Variants in VXN observed in about 807,000 individuals in gnomAD.
VXN encodes the protein vexin, also known as uncharacterized protein C8orf46.
VXN carries 7 observed loss-of-function variants against 23.1 expected under a neutral mutation model. That is an observed-to-expected ratio of 0.30 (90% confidence interval 0.17 to 0.57). VXN has a LOEUF of 0.57. Among genes scored for constraint, VXN ranks in the 20% least tolerant of loss-of-function variants. The pLI is 0.91. For synonymous variants in VXN, 120 were observed against 105.8 expected (o/e 1.13, Z -0.83); for missense variants, 238 against 272.6 (o/e 0.87, Z 0.89).
At chr8:66,502,323 T>G (rs1231690705) in intron 2 of VXN, among the ~76,000 whole-genome samples, 2 of 152,190 alleles carry the variant, frequency 1.3e-5, no homozygotes, top group African/African-American at 4.8e-5. Context: ...CAATGAAGAT[T>G]CGTGGCCCCT....
At chr8:66,504,375 C>T (rs948076569) in intron 2 of VXN, among the ~76,000 whole-genome samples, 1 of 152,022 alleles carries the variant, frequency 6.6e-6, no homozygotes, top group South Asian at 2.1e-4. Flanking sequence ...AAATCAGGAA[C>T]AGCTGTGATG....
chr8:66,498,159 C>T (rs997291486), intron 2 of VXN, among the ~76,000 whole-genome samples: 2 of 146,052 alleles, frequency 1.4e-5, no homozygotes, highest in African/African-American at 5.1e-5. Context: ...CAGAACAAGA[C>T]TCCGTCTCAA....
chr8:66,505,534 T>C lies in VXN; in HGVS notation c.280+6T>C. The C allele has an allele frequency of 1.3e-6, 2 of 1,491,018 alleles. No homozygotes were observed. Among genetic ancestry groups the C allele is most frequent in the Non-Finnish European group, 1.8e-6 (2 of 1,124,422 alleles). The allele number at this position is 1,491,018 out of a possible 1,614,324, so 92.4% of individuals were successfully genotyped here. On this transcript the variant is annotated splice_donor_region_variant and intron_variant, in intron 3 of 5. Transcript: ENST00000305454. ...CAAAGCCTCTGCCAGACCCGGTACG[T>C]GAGTCCCGGCCCCAGCTCCCCGCAC... is the stretch of plus-strand genomic sequence containing the variant.
intron 2 of VXN, among the ~76,000 whole-genome samples, chr8:66,500,931 T>A (rs2130545281): frequency 6.7e-6 from 1 of 148,996 alleles, no homozygotes; most frequent in Admixed American, 6.8e-5. Context: ...TGGAGTGCCA[T>A]GGCGTGATCT....
At chr8:66,505,256 C>A in intron 2 of VXN, 119 bp from the exon 3 acceptor site, 1 of 1,339,496 alleles carries the variant, frequency 7.5e-7, no homozygotes, top group Non-Finnish European at 1.0e-6. Flanking sequence ...ACTGGAATCA[C>A]GAAGGATCCA....
rs2130563749 is a variant in VXN, at chr8:66,516,328, T to C, written c.*252T>C. ...TGACTTTGGGAGGTCATAAAGTTTG[T>C]ATCTCTATCTTTAAGCAAAAAATTA... On this transcript the variant is annotated 3_prime_UTR_variant, in exon 6 of 6. Coordinates refer to ENST00000305454, the MANE Select transcript of VXN (RefSeq NM_152765.4). 3.2e-6 allele frequency: 1 copy of C among 314,698 alleles called. No homozygotes were observed. The allele number at this position is 314,698 out of a possible 1,614,324, so 19.5% of individuals were successfully genotyped here.
intron 3 of VXN, 40 bp downstream of exon 3, chr8:66,505,568 G>A: frequency 2.1e-6 from 3 of 1,445,338 alleles, no homozygotes; most frequent in Non-Finnish European, 1.8e-6. Flanking sequence ...ACCTCCCTGG[G>A]CGCAGAGACC....
chr8:66,505,135 C>T, intron 2 of VXN: 1 of 658,896 alleles, frequency 1.5e-6, no homozygotes, highest in Middle Eastern at 2.4e-4. Flanking sequence ...CCTGCCCGCT[C>T]CAGAACCCTC....
In VXN at chr8:66,516,107, C is replaced by CCAACGGA. The variant is rs1296169146; in HGVS notation, c.*34_*35insCGGACAA. The CCAACGGA allele has an allele frequency of 3.2e-6, 5 of 1,551,626 alleles. No homozygotes were observed. The highest frequency in any genetic ancestry group is 4.3e-6 in the Non-Finnish European group (5 of 1,154,446). ...ACCCTCTTCAAGTGCCCTGTGTTGG[C>CCAACGGA]CAAGGTTCCCCGGACAAGAGGAAAA... On this transcript the variant is annotated 3_prime_UTR_variant, in exon 6 of 6. Transcript: ENST00000305454.
intron 5 of VXN, chr8:66,513,858 TCCACTTCATTAACG>T (rs1411524065): frequency 2.0e-6 from 1 of 502,926 alleles, no homozygotes; most frequent in Admixed American, 3.9e-5. Context: ...TTTCATGGTT[TCCACTTCATTAACG>T]CCACTCTTTA....
At chr8:66,512,988 A>C (rs1160071759) in intron 4 of VXN, among the ~76,000 whole-genome samples, 1 of 152,114 alleles carries the variant, frequency 6.6e-6, no homozygotes, top group African/African-American at 2.4e-5. Context: ...TTATGCTTCT[A>C]CAGTCCAAGG....
chr8:66,511,646 G>A (rs1232056803), intron 4 of VXN, among the ~76,000 whole-genome samples: 1 of 152,220 alleles, frequency 6.6e-6, no homozygotes, highest in Non-Finnish European at 1.5e-5. Context: ...TGACTGCCTG[G>A]CCCCAGCCCT....
intron 4 of VXN, among the ~76,000 whole-genome samples, chr8:66,512,065 C>CAAAAAAA (rs35689084): frequency 1.5e-5 from 1 of 68,330 alleles, no homozygotes; most frequent in African/African-American, 5.5e-5. Context: ...AACTCAGTTT[C>CAAAAAAA]AAAAAAAAAA....
In VXN at chr8:66,516,121, A is replaced by G. The variant is rs776731663; in HGVS notation, c.*45A>G. 19 of 1,513,856 alleles carry G rather than the reference A, an allele frequency of 1.3e-5. No homozygotes were observed. Among genetic ancestry groups the G allele is most frequent in the Non-Finnish European group, 1.7e-5 (19 of 1,134,834 alleles). The allele number at this position is 1,513,856 out of a possible 1,614,324, so 93.8% of individuals were successfully genotyped here. On this transcript the variant is annotated 3_prime_UTR_variant, in exon 6 of 6. Coordinates refer to ENST00000305454, the MANE Select transcript of VXN (RefSeq NM_152765.4). ...CCCTGTGTTGGCCAAGGTTCCCCGGACAAGAGGAAAAACCTTCAGGATTGA... is the reference window on the plus strand; with the variant it reads ...CCCTGTGTTGGCCAAGGTTCCCCGGGCAAGAGGAAAAACCTTCAGGATTGA...
intron 2 of VXN, among the ~76,000 whole-genome samples, chr8:66,502,620 G>A (rs1212094559): frequency 1.3e-5 from 2 of 152,006 alleles, no homozygotes; most frequent in African/African-American, 4.8e-5. Context: ...GGTGGCAGGC[G>A]CCTGTAGTCC....
chr8:66,511,090 G>A (rs1297528759), intron 4 of VXN, among the ~76,000 whole-genome samples: 3 of 152,194 alleles, frequency 2.0e-5, no homozygotes, highest in Non-Finnish European at 2.9e-5. Context: ...AAGGAGCTAA[G>A]AGCTTTCTGC....
intron 1 of VXN, among the ~76,000 whole-genome samples, chr8:66,494,249 C>T (rs1219895311): frequency 6.6e-6 from 1 of 152,172 alleles, no homozygotes; most frequent in African/African-American, 2.4e-5. Flanking sequence ...AAACTTAACC[C>T]GGAACTAATG....
intron 3 of VXN, among the ~76,000 whole-genome samples, chr8:66,507,924 G>A (rs115203759): frequency 9.8e-4 from 149 of 152,258 alleles, no homozygotes; most frequent in African/African-American, 3.3e-3. Context: ...TGCAGTAGCC[G>A]TCTCACCTGG....
intron 5 of VXN, among the ~76,000 whole-genome samples, chr8:66,514,497 G>T (rs568190936): frequency 4.6e-5 from 7 of 152,130 alleles, no homozygotes; most frequent in Admixed American, 4.6e-4. Flanking sequence ...GTGCAGTGGC[G>T]CAATTTTGGC....
Sources: gnomAD v4.1 joint callset for allele counts (sites outside exome capture counted in the v4.1 genomes callset) on GRCh38, gnomAD v4.1.1 for gene constraint, MANE v1.5 for transcripts, NCBI Gene and HGNC (gene_info 2026-07-23, HGNC 2026-07-21) for gene names.